KMT2D: variants seen among roughly 807,000 people sequenced by gnomAD.
The protein encoded by KMT2D is histone-lysine N-methyltransferase 2D.
KMT2D carries 55 observed loss-of-function variants against 512.7 expected under a neutral mutation model. The ratio of observed to expected loss-of-function variants is 0.11; its 90% CI spans 0.09 to 0.13. The LOEUF is 0.13. Ranked by LOEUF, KMT2D falls within the 10% of genes least tolerant of loss-of-function variation. The probability of loss-of-function intolerance (pLI) is 1.00; values close to 1 mark genes in which losing one functional copy is unlikely to be tolerated. For missense variants in KMT2D, 6,061 were observed against 7,127.9 expected (o/e 0.85, Z 5.39); for synonymous variants, 2,995 against 2,904.0 (o/e 1.03, Z -1.01).
At position 49,026,510 on chromosome 12, in the gene KMT2D, G is replaced by C. The variant is rs1942599605; in HGVS notation, c.15456C>G (p.Phe5152Leu). 1 of 1,613,938 alleles carries C rather than the reference G, an allele frequency of 6.2e-7. No homozygotes were observed. The highest frequency in any genetic ancestry group is 8.5e-7 in the Non-Finnish European group (1 of 1,179,894). The change falls in exon 49 of 55, where the codon TTC becomes TTG. Residue 5152 changes from phenylalanine to leucine, a missense_variant. Physicochemically the swap from Phe to Leu is conservative, Grantham distance 22. Transcript: ENST00000301067. The surrounding 1 kb of genome is among the most constrained non-coding windows in gnomAD (Gnocchi z 9.6). ...CEQELSSFAV[F>L]RRVYIERDEV... ...CGTCCCGCTCAATGTAGACCCGCCG[G>C]AAGACAGCAAAAGAGCTCAGCTCTT... is the stretch of plus-strand genomic sequence containing the variant.
chr12:49,040,932 C>T lies in KMT2D; in HGVS notation c.6838G>A (p.Glu2280Lys), dbSNP rs1432055610. Residue 2280 changes from glutamate to lysine, a missense_variant, in exon 32 of 55, where the codon GAG (glutamate) becomes AAG (lysine). By Grantham distance (56) the Glu-to-Lys change is moderately conservative (BLOSUM62 1). Transcript: ENST00000301067. ...TTCACCTCTAGGGCCTTCCGGGACT[C>T]CCCAAAAGGTGGGGGCGAGAGCAGG... ...EPLLSPPPFG[E>K]SRKALEVKKE... 1 of 1,613,504 alleles carries T rather than the reference C, an allele frequency of 6.2e-7. No homozygotes were observed. The highest frequency in any genetic ancestry group is 1.3e-5 in the African/African-American group (1 of 74,912).
Position 49,052,667 on chromosome 12 carries a change from G to C in KMT2D, c.1155C>G (p.Pro385=), listed in dbSNP as rs545791832. 13 of 1,613,678 alleles carry C rather than the reference G, an allele frequency of 8.1e-6. No homozygotes were observed. In the East Asian group the frequency reaches 2.7e-4, roughly 33 times the overall value. Residue 385 remains proline, a synonymous_variant, in exon 10 of 55, where the codon CCC becomes CCG. Coordinates refer to ENST00000301067, the MANE Select transcript of KMT2D (RefSeq NM_003482.4). ...PEPGDTPTDE[P]DALYVACQGQ... ...CTTGGCATGCAACGTACAGAGCATC[G>C]GGCTCGTCAGTGGGGGTATCGCCAG...
rs2120671828 is a variant in KMT2D at position 49,051,549 on chromosome 12, C to T, written c.2134G>A (p.Glu712Lys). The T allele has an allele frequency of 6.2e-7, 1 of 1,611,458 alleles. No individual in the cohort carries two copies. Among genetic ancestry groups the T allele is most frequent in the Non-Finnish European group, 8.5e-7 (1 of 1,178,290 alleles). The change falls in exon 11 of 55, where the codon GAG becomes AAG. Residue 712 changes from glutamate to lysine, a missense_variant. This residue lies in a region of KMT2D where 848 missense variants were observed against 838.5 expected (regional missense o/e 1.01). Transcript: ENST00000301067. The stretch of plus-strand genomic sequence containing the variant: ...AGCGGCAGGGACATGAGCGAGTCCT[C>T]CGGTGGTGGGGAAGCAGGTGAGTCC... ...PEDSPASPPP[E>K]DSLMSLPLEE...
In KMT2D at chr12:49,027,842, G is replaced by T; in HGVS notation, c.14604C>A (p.Thr4868=). The T allele has an allele frequency of 1.3e-6, 2 of 1,596,810 alleles. No homozygotes were observed. The highest frequency in any genetic ancestry group is 4.5e-5 in the East Asian group (2 of 44,030). ...TCAAGATGTCTAGTTGGCTCTTCAG[G>T]GTATAGCCAGGCAACACTGCATCAA... ...KQFDAVLPGY[T]LKSQLDILSL... The change falls in exon 48 of 55, where the codon ACC becomes ACA. Residue 4868 remains threonine (T), a synonymous_variant. Transcript: ENST00000301067.
rs1188985066 is a variant in KMT2D, at chr12:49,032,051, C to T, written c.12654G>A (p.Gln4218=). 6.2e-7 allele frequency: 1 copy of T among 1,613,582 alleles called. No individual in the cohort carries two copies. The highest frequency in any genetic ancestry group is 8.5e-7 in the Non-Finnish European group (1 of 1,179,652). ...TGAGGAGTGCCTGTAGCTGCTGCTG[C>T]TGCTGAGGACTTAAGTGCCGCAGCT... ...NPQLRHLSPQ[Q]QQQLQALLMQ... is the part of the protein sequence containing the mutation. The change falls in exon 40 of 55, where the codon CAG becomes CAA. Residue 4218 remains glutamine, a synonymous_variant. Transcript: ENST00000301067.
In KMT2D at chr12:49,040,125, G is replaced by A. The variant is rs750113134; in HGVS notation, c.7645C>T (p.Pro2549Ser). The A allele has an allele frequency of 7.4e-6, 12 of 1,613,796 alleles. No individual in the cohort carries two copies. Among genetic ancestry groups the A allele is most frequent in the Admixed American group, 1.7e-5 (1 of 60,002 alleles). Residue 2549 changes from proline (P) to serine (S), a missense_variant, in exon 32 of 55, where the codon CCC becomes TCC. Around this residue, in one of 16 missense-constraint regions of KMT2D, gnomAD observed 710 missense variants for 647.3 expected, o/e 1.10. Transcript: ENST00000301067. ...GGGAGACCAGGCTGAGGGACAGGGG[G>A]CTTTAGGGAAGGCTCCCCTACTGCC... is the stretch of plus-strand genomic sequence containing the variant. ...PQAVGEPSLK[P>S]PVPQPGLPPP...
In KMT2D at chr12:49,026,345, G is replaced by C. The variant is rs766413315; in HGVS notation, c.15621C>G (p.Pro5207=). ...AGATGCGCGTGGCCTCGTAGCCCAC[G>C]GGATAGAGGGCAGTGGCACTATGAA... ...ADFHSATALY[P]VGYEATRIYW... Residue 5207 remains proline, a synonymous_variant, in exon 49 of 55, where the codon CCC becomes CCG. Coordinates refer to ENST00000301067, the MANE Select transcript of KMT2D (RefSeq NM_003482.4). The surrounding 1 kb of genome is among the most constrained non-coding windows in gnomAD (Gnocchi z 9.6). 1.9e-6 allele frequency: 3 copies of C among 1,611,744 alleles called. No homozygotes were observed. The highest frequency in any genetic ancestry group is 2.5e-6 in the Non-Finnish European group (3 of 1,177,954).
rs1943547076 is a variant in KMT2D at position 49,041,848 on chromosome 12, G to A, written c.6183+69C>T. 6 of 1,533,236 alleles carry A rather than the reference G, an allele frequency of 3.9e-6. No individual in the cohort carries two copies. Among genetic ancestry groups the A allele is most frequent in the Middle Eastern group, 1.7e-4 (1 of 5,950 alleles). 95.0% of individuals were successfully genotyped at this position (1,533,236 alleles called of 1,614,324 possible). ...AGGAGTGGGGAGCGGAAAGAACTGA[G>A]GTAAATTACCCAAAGATCCCTCCCT... On this transcript the variant is annotated intron_variant, in intron 30 of 54. Transcript: ENST00000301067. The surrounding 1 kb of genome is among the most constrained non-coding windows in gnomAD (Gnocchi z 5.4).
At position 49,052,220 on chromosome 12, in the gene KMT2D, G is replaced by A. The variant is rs763729848; in HGVS notation, c.1463C>T (p.Pro488Leu). The A allele has an allele frequency of 6.5e-5, 105 of 1,612,990 alleles. 1 individual carries two copies. The highest frequency in any genetic ancestry group is 7.8e-5 in the Non-Finnish European group (92 of 1,179,642). The change falls in exon 11 of 55, where the codon CCG (proline) becomes CTG (leucine). Residue 488 changes from proline to leucine, a missense_variant. Around this residue, in one of 16 missense-constraint regions of KMT2D, gnomAD observed 848 missense variants for 838.5 expected, o/e 1.01. Coordinates refer to ENST00000301067, the MANE Select transcript of KMT2D (RefSeq NM_003482.4). ...PLPEALHLSR[P>L]LEESPLSPPP... ...CGGAGAGAGGGGCGATTCCTCCAGC[G>A]GCCGGGACAGGTGCAATGCCTCAGG...
rs2120555970 is a variant in KMT2D, at chr12:49,042,529, A to T, written c.5867+32T>A. 1 of 1,606,012 alleles carries T rather than the reference A, an allele frequency of 6.2e-7. No homozygotes were observed. Among genetic ancestry groups the T allele is most frequent in the Non-Finnish European group, 8.5e-7 (1 of 1,174,062 alleles). ...CAGATGGAGGGAAAGGACAACGAGG[A>T]CTGCCCACAAAGGTTACGCAGAGAC... is the stretch of plus-strand genomic sequence containing the variant. On this transcript the variant is annotated intron_variant, in intron 28 of 54. Transcript: ENST00000301067. This position sits in a 1 kb window ranked among gnomAD's most constrained non-coding sequence, Gnocchi z 4.4.
intron 1 of KMT2D, among the ~76,000 whole-genome samples, chr12:49,056,919 A>G (rs1212096957): frequency 6.6e-6 from 1 of 152,182 alleles, no homozygotes; most frequent in Non-Finnish European, 1.5e-5. Flanking sequence ...CCCTCTGGAG[A>G]CATGTCACAG....
Position 49,045,935 on chromosome 12 carries a change from T to C in KMT2D, c.4726A>G (p.Lys1576Glu), listed in dbSNP as rs2120596490. 1 of 1,613,914 alleles carries C rather than the reference T, an allele frequency of 6.2e-7. No homozygotes were observed. Among genetic ancestry groups the C allele is most frequent in the Non-Finnish European group, 8.5e-7 (1 of 1,179,830 alleles). Residue 1576 changes from lysine (K) to glutamate (E), a missense_variant, in exon 19 of 55, where the codon AAG (lysine) becomes GAG (glutamate). By Grantham distance (56) the Lys-to-Glu change is moderately conservative. This residue lies in a region of KMT2D where 640 missense variants were observed against 814.3 expected (regional missense o/e 0.79). Transcript: ENST00000301067. The stretch of plus-strand genomic sequence containing the variant: ...TGTGACTCACCTGGCTCTTTCACCT[T>C]CATGGGCACCAGCTCTGGAGGTGCA... ...PVAPPELVPM[K>E]VKEPEPQYFR...
At position 49,038,807 on chromosome 12, in the gene KMT2D, A is replaced by G; in HGVS notation, c.8549T>C (p.Leu2850Pro). The G allele has an allele frequency of 1.3e-6, 2 of 1,574,326 alleles. No individual in the cohort carries two copies. Among genetic ancestry groups the G allele is most frequent in the Non-Finnish European group, 1.7e-6 (2 of 1,159,640 alleles). The change falls in exon 35 of 55, where the codon CTA becomes CCA. Residue 2850 changes from leucine to proline, a missense_variant. Leu to Pro is a moderately conservative substitution (Grantham distance 98, BLOSUM62 -3). This residue lies in a region of KMT2D where 527 missense variants were observed against 578.9 expected (regional missense o/e 0.91). Transcript: ENST00000301067. This position sits in a 1 kb window ranked among gnomAD's most constrained non-coding sequence, Gnocchi z 5.7. Reference sequence around the variant, plus strand: ...GGAAATTCCCGCCAACGGGGAACCTAGGGCTTGGCGGCCAAGTTCAGGTCC... The same window carrying G: ...GGAAATTCCCGCCAACGGGGAACCTGGGGCTTGGCGGCCAAGTTCAGGTCC... ...TPGPELGRQA[L>P]GSPLAGISTR...
At position 49,026,283 on chromosome 12, in the gene KMT2D, T is replaced by C. The variant is rs2137715127; in HGVS notation, c.15683A>G (p.Tyr5228Cys). 1 of 1,611,766 alleles carries C rather than the reference T, an allele frequency of 6.2e-7. No homozygotes were observed. Residue 5228 changes from tyrosine (Y) to cysteine (C), a missense_variant, in exon 49 of 55, where the codon TAT becomes TGT. Tyr to Cys is a radical substitution (Grantham distance 194, BLOSUM62 -2). This residue lies in a region of KMT2D where 261 missense variants were observed against 440.7 expected (regional missense o/e 0.59). Transcript: ENST00000301067. The surrounding 1 kb of genome is among the most constrained non-coding windows in gnomAD (Gnocchi z 9.6). Reference protein sequence around the residue: ...SLRTNNRRCCYRCSIGENNGR... With the variant: ...SLRTNNRRCCCRCSIGENNGR... The stretch of plus-strand genomic sequence containing the variant: ...GTTGTTCTCACCAATAGAACAGCGA[T>C]AGCAGCAGCGACGATTGTTGGTGCG...
In KMT2D at chr12:49,031,182, T is replaced by A; in HGVS notation, c.13523A>T (p.Asn4508Ile). 1 of 1,607,994 alleles carries A rather than the reference T, an allele frequency of 6.2e-7. No homozygotes were observed. Among genetic ancestry groups the A allele is most frequent in the East Asian group, 2.2e-5 (1 of 44,754 alleles). Residue 4508 changes from asparagine to isoleucine, a missense_variant, in exon 40 of 55, where the codon AAC becomes ATC. Asn to Ile is a moderately radical substitution (Grantham distance 149). Coordinates refer to ENST00000301067, the MANE Select transcript of KMT2D (RefSeq NM_003482.4). ...LEQKLQGTPS[N>I]KEDAAARKPL... ...TCTACTCAGAGTACTCACCTCCTTG[T>A]TGCTGGGGGTACCCTGTAGTTTCTG...
chr12:49,056,042 C>T (rs1184600388), intron 1 of KMT2D, among the ~76,000 whole-genome samples: 33 of 152,360 alleles, frequency 2.2e-4, no homozygotes. Flanking sequence ...GGGTCTCACC[C>T]AGCCTGAAGG....
Position 49,042,214 on chromosome 12 carries a change from C to A in KMT2D, c.5984G>T (p.Gly1995Val). ...TTPTTEGEGD[G>V]LSYNQRSLQR... ...AAGACTCCGCTGGTTATAGGAGAGT[C>A]CGTCGCCCTCACCCTCCGTGGTGGG... is the stretch of plus-strand genomic sequence containing the variant. The change falls in exon 29 of 55, where the codon GGA (glycine) becomes GTA (valine). Residue 1995 changes from glycine to valine, a missense_variant. Around this residue, in one of 16 missense-constraint regions of KMT2D, gnomAD observed 640 missense variants for 814.3 expected, o/e 0.79. Coordinates refer to ENST00000301067, the MANE Select transcript of KMT2D (RefSeq NM_003482.4). The surrounding 1 kb of genome is among the most constrained non-coding windows in gnomAD (Gnocchi z 4.4). 1 of 1,602,836 alleles carries A rather than the reference C, an allele frequency of 6.2e-7. No homozygotes were observed. The highest frequency in any genetic ancestry group is 8.5e-7 in the Non-Finnish European group (1 of 1,174,944).
intron 39 of KMT2D, 37 bp downstream of exon 39, chr12:49,034,030 C>T (rs1943090523): frequency 2.5e-6 from 4 of 1,590,754 alleles, no homozygotes; most frequent in Non-Finnish European, 3.4e-6. Flanking sequence ...CTCTTCCCTG[C>T]CTTCTGGGTG....
rs1279357464 is a variant in KMT2D at position 49,050,889 on chromosome 12, G to T, written c.2794C>A (p.Pro932Thr). 6.5e-7 allele frequency: 1 copy of T among 1,536,908 alleles called. No individual in the cohort carries two copies. The highest frequency in any genetic ancestry group is 2.0e-5 in the Admixed American group (1 of 50,352). Reference sequence around the variant, plus strand: ...CAGAGTACTAACATCCCCTTACCTGGTGGCATCAGCTGAGGCGACAAGGAT... The same window carrying T: ...CAGAGTACTAACATCCCCTTACCTGTTGGCATCAGCTGAGGCGACAAGGAT... ...EPSLSPQLMPPDPLPPPLSPI... is the reference protein window; with the variant it reads ...EPSLSPQLMPTDPLPPPLSPI... Residue 932 changes from proline (P) to threonine (T), a missense_variant, in exon 11 of 55, where the codon CCA (proline) becomes ACA (threonine). Pro to Thr is a conservative substitution (Grantham distance 38). This residue lies in a region of KMT2D where 848 missense variants were observed against 838.5 expected (regional missense o/e 1.01). Transcript: ENST00000301067.
Sources: allele counts gnomAD v4.1 joint callset (sites outside exome capture counted in the v4.1 genomes callset), GRCh38; gene constraint gnomAD v4.1.1; regional missense constraint gnomAD v4.1.1; non-coding constraint Gnocchi (gnomAD v3.1); transcripts MANE v1.5; gene names NCBI Gene and HGNC (gene_info 2026-07-23, HGNC 2026-07-21).